METTL24: variants seen among roughly 807,000 people sequenced by gnomAD.
METTL24 encodes the protein methyltransferase like 24.
Under a neutral mutation model 32.7 loss-of-function variants are expected in METTL24, and 29 were observed. That is an observed-to-expected ratio of 0.89 (90% CI 0.66 to 1.21). The LOEUF is 1.21. METTL24 is among the 50% of genes most tolerant of loss of function. The pLI is 0.00. For missense variants in METTL24, 439 were observed against 468.1 expected, an observed-to-expected ratio of 0.94 and a Z score of 0.57; for synonymous variants, 163 against 179.5, an observed-to-expected ratio of 0.91 and a Z score of 0.73.
In METTL24 at chr6:110,245,358, A is replaced by G. The variant is rs1364164441; in HGVS notation, c.*588T>C. ...TTCGTGTTGAAGCTCTTGATAGTCT[A>G]GTCTCTTTAACTCAGTGACAGAATT... On this transcript the variant is annotated 3_prime_UTR_variant, in exon 5 of 5. Coordinates refer to ENST00000338882, the MANE Select transcript of METTL24 (RefSeq NM_001123364.3). Among the ~76,000 whole-genome samples the G allele has an allele frequency of 6.6e-6, 1 of 152,178 alleles. No homozygotes were observed. The highest frequency in any genetic ancestry group is 2.4e-5 in the African/African-American group (1 of 41,446).
chr6:110,293,525 C>T (rs1022812505), intron 4 of METTL24, among the ~76,000 whole-genome samples: 1 of 151,740 alleles, frequency 6.6e-6, no homozygotes, highest in Non-Finnish European at 1.5e-5. Flanking sequence ...ATTAATATGT[C>T]CTTCAATAAT....
At chr6:110,324,192 T>G (rs561965103) in intron 1 of METTL24, among the ~76,000 whole-genome samples, 1 of 152,244 alleles carries the variant, frequency 6.6e-6, no homozygotes, top group Admixed American at 6.5e-5. Flanking sequence ...TACCAGCGCT[T>G]TGGAAGTGAT....
rs1302869571 is a variant in METTL24, at chr6:110,244,201, A to AT, written c.*1744dup. Among the ~76,000 whole-genome samples the AT allele has an allele frequency of 1.3e-5, 2 of 152,276 alleles. No homozygotes were observed. Among genetic ancestry groups the AT allele is most frequent in the African/African-American group, 4.8e-5 (2 of 41,576 alleles). On this transcript the variant is annotated 3_prime_UTR_variant, in exon 5 of 5. Coordinates refer to ENST00000338882, the MANE Select transcript of METTL24 (RefSeq NM_001123364.3). Reference sequence around the variant, plus strand: ...CACTTAACATTATTAGAGATAATGTATTTTTTTAAAAAAGATTTGACAGCA... The same window carrying AT: ...CACTTAACATTATTAGAGATAATGTATTTTTTTTAAAAAAGATTTGACAGCA...
At chr6:110,248,016 T>C (rs1213137173) in intron 4 of METTL24, among the ~76,000 whole-genome samples, 1 of 152,120 alleles carries the variant, frequency 6.6e-6, no homozygotes, top group Non-Finnish European at 1.5e-5. Context: ...GTGAGTGAGC[T>C]CTAGCTCTGA....
chr6:110,329,161 C>T (rs1442674732), intron 1 of METTL24, among the ~76,000 whole-genome samples: 2 of 152,128 alleles, frequency 1.3e-5, no homozygotes, highest in African/African-American at 2.4e-5. Context: ...TCTCAATACT[C>T]CCAAATGCAT....
chr6:110,291,377 T>C (rs1399734052), intron 4 of METTL24, among the ~76,000 whole-genome samples: 1 of 152,216 alleles, frequency 6.6e-6, no homozygotes, highest in Non-Finnish European at 1.5e-5. Context: ...CATGATGATG[T>C]GAGATTCAAG....
At chr6:110,328,839 T>C (rs1374467407) in intron 1 of METTL24, among the ~76,000 whole-genome samples, 1 of 152,238 alleles carries the variant, frequency 6.6e-6, no homozygotes, top group Non-Finnish European at 1.5e-5. Flanking sequence ...TTCTGTGTTA[T>C]GCAAAAGCTT....
intron 4 of METTL24, among the ~76,000 whole-genome samples, chr6:110,282,157 T>C (rs994748884): frequency 5.9e-5 from 9 of 152,018 alleles, no homozygotes; most frequent in African/African-American, 2.2e-4. Context: ...GATATCAGAG[T>C]CACACTGCTG....
In METTL24 at chr6:110,299,045, C is replaced by T; in HGVS notation, c.663G>A (p.Gln221=). Residue 221 remains glutamine (Q), a synonymous_variant, in exon 4 of 5, where the codon CAG becomes CAA. Coordinates refer to ENST00000338882, the MANE Select transcript of METTL24 (RefSeq NM_001123364.3). ...TGGACAAGCGGTGATACCAAAGGTG[C>T]TGACTCTCCAGAATGTGAGCTGACT... ...SVKSAHILES[Q]HLWYHRLSID... 1 of 1,614,208 alleles carries T rather than the reference C, an allele frequency of 6.2e-7. No individual in the cohort carries two copies. The highest frequency in any genetic ancestry group is 1.7e-5 in the Admixed American group (1 of 60,028).
chr6:110,300,413 C>T (rs1228660801), intron 3 of METTL24, among the ~76,000 whole-genome samples: 3 of 147,466 alleles, frequency 2.0e-5, no homozygotes, highest in East Asian at 2.0e-4. Context: ...GATCATCCAC[C>T]GAGACATGCT....
chr6:110,310,111 T>C (rs777801452), intron 3 of METTL24, among the ~76,000 whole-genome samples: 57 of 152,314 alleles, frequency 3.7e-4, no homozygotes, highest in Non-Finnish European at 2.9e-4. Context: ...TATTTGGCTC[T>C]TTCATTCTTC....
At chr6:110,260,205 T>C (rs1778467215) in intron 4 of METTL24, among the ~76,000 whole-genome samples, 2 of 152,116 alleles carry the variant, frequency 1.3e-5, no homozygotes, top group African/African-American at 2.4e-5. Context: ...GCAAAGAAGA[T>C]AAAAACTTTG....
At chr6:110,331,236 A>C (rs2114761730) in intron 1 of METTL24, among the ~76,000 whole-genome samples, 1 of 152,310 alleles carries the variant, frequency 6.6e-6, no homozygotes, top group African/African-American at 2.4e-5. Context: ...AACAGAGAGA[A>C]AAATTATTGT....
At chr6:110,322,658 T>C in intron 2 of METTL24, 116 bp downstream of exon 2, 1 of 742,498 alleles carries the variant, frequency 1.3e-6, no homozygotes, top group East Asian at 2.6e-5. Context: ...CTGAACACAC[T>C]TCCCCATCAA....
chr6:110,308,852 C>T (rs1001381958), intron 3 of METTL24, among the ~76,000 whole-genome samples: 11 of 152,120 alleles, frequency 7.2e-5, no homozygotes, highest in African/African-American at 1.9e-4. Flanking sequence ...AGTCACAAAA[C>T]GCCACATATT....
chr6:110,329,265 G>A (rs1772070975), intron 1 of METTL24, among the ~76,000 whole-genome samples: 1 of 152,182 alleles, frequency 6.6e-6, no homozygotes, highest in Admixed American at 6.5e-5. Context: ...TCACAGTTGT[G>A]TGCGTGGAAA....
chr6:110,307,363 G>A (rs1771644115), intron 3 of METTL24, among the ~76,000 whole-genome samples: 1 of 152,190 alleles, frequency 6.6e-6, no homozygotes, highest in Non-Finnish European at 1.5e-5. Context: ...AGGAAATCAT[G>A]TTCTGCTGCT....
rs962092285 is a variant in METTL24, at chr6:110,244,160, G to T, written c.*1786C>A. ...ACAATCATGTAAGTGATGCCAACTGGGAGTAAAGAAAAATGCACTTAACAT... is the reference window on the plus strand; with the variant it reads ...ACAATCATGTAAGTGATGCCAACTGTGAGTAAAGAAAAATGCACTTAACAT... On this transcript the variant is annotated 3_prime_UTR_variant, in exon 5 of 5. Coordinates refer to ENST00000338882, the MANE Select transcript of METTL24 (RefSeq NM_001123364.3). 6.6e-6 allele frequency among the ~76,000 whole-genome samples: 1 copy of T among 152,018 alleles called. No homozygotes were observed. The highest frequency in any genetic ancestry group is 1.5e-5 in the Non-Finnish European group (1 of 68,010).
At position 110,272,827 on chromosome 6, in the gene METTL24, CT is replaced by C. The variant is rs559821595; in HGVS notation, c.786+26094del. On this transcript the variant is annotated intron_variant, in intron 4 of 4. Coordinates refer to ENST00000338882, the MANE Select transcript of METTL24 (RefSeq NM_001123364.3). ...CACTGTTTGATGGGATTTTTTTTTC[CT>C]TGCTGATTTGAGTTCCTTGTAGATT... is the stretch of plus-strand genomic sequence containing the variant. 9.3e-4 allele frequency among the ~76,000 whole-genome samples: 136 copies of C among 146,196 alleles called. 1 individual carries two copies. The highest frequency in any genetic ancestry group is 4.7e-3 in the South Asian group (22 of 4,680).
Sources: allele counts gnomAD v4.1 joint callset (sites outside exome capture counted in the v4.1 genomes callset), GRCh38; gene constraint gnomAD v4.1.1; transcripts MANE v1.5; gene names NCBI Gene and HGNC (gene_info 2026-07-23, HGNC 2026-07-21).